Variants in A2ML1 observed in about 807,000 individuals in gnomAD.
A2ML1 encodes alpha-2-macroglobulin like 1, also known as alpha-2-macroglobulin-like protein 1.
A neutral mutation model predicts 181.9 loss-of-function variants in A2ML1; 161 were observed. The observed-to-expected ratio is 0.89, with a 90% CI of 0.78 to 1.01. The LOEUF (loss-of-function observed/expected upper bound fraction) is 1.01, where lower values mean the gene tolerates loss of function less well. Ranked by LOEUF, A2ML1 falls within the 50% of genes least tolerant of loss-of-function variation. The pLI is 0.00. For synonymous variants in A2ML1, 663 were observed against 666.8 expected (o/e 0.99, Z 0.09); for missense variants, 1,670 against 1,768.1 (o/e 0.94, Z 1.00).
intron 7 of A2ML1, 123 bp downstream of exon 7, chr12:8,836,462 G>T: frequency 4.9e-5 from 30 of 606,614 alleles, no homozygotes; most frequent in East Asian, 6.4e-5. Context: ...GTAATTCAGA[G>T]TCATGGCTTA....
intron 8 of A2ML1, among the ~76,000 whole-genome samples, chr12:8,837,945 A>G (rs143300992): frequency 6.6e-6 from 1 of 152,184 alleles, no homozygotes; most frequent in East Asian, 1.9e-4. Flanking sequence ...TAAGGAAGCA[A>G]CAATCTAGAA....
In A2ML1 at chr12:8,829,548, C is replaced by T. The variant is rs377004917; in HGVS notation, c.410-179C>T. 4.7e-4 allele frequency among the ~76,000 whole-genome samples: 71 copies of T among 151,312 alleles called. 1 individual carries two copies. In the South Asian group the frequency reaches 0.01, roughly 22 times the overall value. The stretch of plus-strand genomic sequence containing the variant: ...CACCTGCCTGTGGTCCCAGCTACTC[C>T]GGAGGCTGGGGTGGGAGAATCACTT... On this transcript the variant is annotated intron_variant, in intron 3 of 35. Transcript: ENST00000299698.
rs758871447 is a variant in A2ML1 at position 8,868,040 on chromosome 12, G to A, written c.3916G>A (p.Gly1306Ser). 4 of 1,614,184 alleles carry A rather than the reference G, an allele frequency of 2.5e-6. No individual in the cohort carries two copies. The highest frequency in any genetic ancestry group is 3.4e-6 in the Non-Finnish European group (4 of 1,180,008). The change falls in exon 30 of 36, where the codon GGC becomes AGC. Residue 1306 changes from glycine (G) to serine (S), a missense_variant. By Grantham distance (56) the Gly-to-Ser change is moderately conservative. Transcript: ENST00000299698. The stretch of plus-strand genomic sequence containing the variant: ...GTACACGTTGGAGGCCTCAGGCCAG[G>A]GCTGTGTCTATGTGCAGGTAAGTAG... The part of the protein sequence containing the change: ...GMYTLEASGQ[G>S]CVYVQTVLRY...
chr12:8,832,419 G>A (rs1226128356), intron 4 of A2ML1, among the ~76,000 whole-genome samples: 4 of 152,194 alleles, frequency 2.6e-5, no homozygotes, highest in East Asian at 1.9e-4. Flanking sequence ...TGGTCCCCGG[G>A]CAAGAAGGGG....
In A2ML1 at chr12:8,823,194, GAC is replaced by G. The variant is rs1380687842; in HGVS notation, c.77_78del (p.Thr26IlefsTer23). The stretch of plus-strand genomic sequence containing the variant: ...GCTCCTTTAATAGAAACTACCTGGT[GAC>G]ATTACCAGCCCGGCTAAATTTCCCC... ...IAEELPNYLV[T>X]LPARLNFPSV... is the part of the protein sequence containing the mutation. On this transcript the variant is annotated frameshift_variant, in exon 2 of 36. Coordinates refer to ENST00000299698, the MANE Select transcript of A2ML1 (RefSeq NM_144670.6). LOFTEE classifies it high-confidence loss of function. 6.2e-7 allele frequency: 1 copy of G among 1,613,490 alleles called. No homozygotes were observed. Among genetic ancestry groups the G allele is most frequent in the East Asian group, 2.2e-5 (1 of 44,878 alleles).
In A2ML1 at chr12:8,851,809, G is replaced by A. The variant is rs769726608; in HGVS notation, c.2260G>A (p.Val754Ile). The change falls in exon 19 of 36, where the codon GTC (valine) becomes ATC (isoleucine). Residue 754 changes from valine to isoleucine, a missense_variant. Val to Ile is a conservative substitution (Grantham distance 29). Transcript: ENST00000299698. The part of the protein sequence containing the change: ...IGNSGKEAVH[V>I]TVPDAITEWK... ...TAACTCGGGGAAGGAGGCGGTCCAC[G>A]TCACAGTTCCTGACGCCATCACCGA... is the stretch of plus-strand genomic sequence containing the variant. 2.2e-5 allele frequency: 36 copies of A among 1,613,996 alleles called. No individual in the cohort carries two copies. Among genetic ancestry groups the A allele is most frequent in the African/African-American group, 1.1e-4 (8 of 74,908 alleles).
At position 8,857,177 on chromosome 12, in the gene A2ML1, C is replaced by T; in HGVS notation, c.2862C>T (p.Gly954=). 3 of 1,612,180 alleles carry T rather than the reference C, an allele frequency of 1.9e-6. No individual in the cohort carries two copies. The highest frequency in any genetic ancestry group is 1.7e-6 in the Non-Finnish European group (2 of 1,179,858). Residue 954 remains glycine (G), a synonymous_variant, in exon 24 of 36, where the codon GGC becomes GGT. Transcript: ENST00000299698. ...TTTGGATCCCAGGAGACATTATGGGCACAGCCCTGCAGAACCTGGATGGTC... is the reference window on the plus strand; with the variant it reads ...TTTGGATCCCAGGAGACATTATGGGTACAGCCCTGCAGAACCTGGATGGTC... ...AYVTVLGDIM[G]TALQNLDGLV...
chr12:8,838,463 C>T lies in A2ML1; in HGVS notation c.970+13C>T, dbSNP rs748203389. 1.0e-5 allele frequency: 16 copies of T among 1,596,128 alleles called. No individual in the cohort carries two copies. The East Asian group carries it at 1.6e-4, about 16-fold the overall frequency. ...GAGGAAGGGACAGGTAAGTAGGGTG[C>T]TCCTTGGCTCATTAAGAAAAGAGAA... On this transcript the variant is annotated intron_variant, in intron 9 of 35. Transcript: ENST00000299698.
intron 4 of A2ML1, 103 bp from the exon 5 acceptor site, chr12:8,834,559 C>A (rs966714598): frequency 6.8e-5 from 95 of 1,396,200 alleles, no homozygotes; most frequent in Non-Finnish European, 9.0e-5. Context: ...AAGAAATGGG[C>A]AAGAGGGAAA....
At chr12:8,827,767 G>A (rs1036956970) in intron 3 of A2ML1, among the ~76,000 whole-genome samples, 2 of 152,124 alleles carry the variant, frequency 1.3e-5, no homozygotes, top group Non-Finnish European at 2.9e-5. Context: ...TATTTGAAGG[G>A]ACTTGGGTGT....
chr12:8,844,937 T>C (rs1210180867), intron 12 of A2ML1: 2 of 1,260,844 alleles, frequency 1.6e-6, no homozygotes, highest in Admixed American at 3.8e-5. Flanking sequence ...GATCACCGAG[T>C]TCTGTTTCAA....
chr12:8,884,068 G>A (rs1161897389), intron 7 of A2ML1, among the ~76,000 whole-genome samples: 2 of 152,090 alleles, frequency 1.3e-5, no homozygotes, highest in Non-Finnish European at 2.9e-5. Context: ...TTACAGGCGT[G>A]ACCCACCACA....
chr12:8,877,632 A>G (rs148352343), downstream of A2ML1, among the ~76,000 whole-genome samples: 72 of 152,346 alleles, frequency 4.7e-4, 1 homozygote, highest in African/African-American at 1.7e-3. Context: ...CAAAACCACA[A>G]TGAGATACCA....
intron 7 of A2ML1, among the ~76,000 whole-genome samples, chr12:8,884,241 G>GTTTTTTTTTT (rs1289302391): frequency 2.8e-5 from 3 of 108,934 alleles, no homozygotes; most frequent in Non-Finnish European, 4.1e-5. Context: ...GTTTTTTTTT[G>GTTTTTTTTTT]TTTTGTTTTT....
intron 1 of A2ML1, 74 bp downstream of exon 1, chr12:8,822,787 G>T (rs1456570803): frequency 7.3e-7 from 1 of 1,364,600 alleles, no homozygotes; most frequent in African/African-American, 1.4e-5. Context: ...CATTTATATG[G>T]AGATGGGGAG....
rs1944468511 is a variant in A2ML1 at position 8,867,761 on chromosome 12, G to A, written c.3718-81G>A. 2.4e-6 allele frequency: 3 copies of A among 1,252,090 alleles called. No individual in the cohort carries two copies. In the East Asian group the frequency reaches 7.0e-5, roughly 29 times the overall value. 77.6% of individuals were successfully genotyped at this position (1,252,090 alleles called of 1,614,324 possible). ...CATCCAAGCCAACTAACAACAACCA[G>A]ATGTGTGGGTTATAGAGTTGTTCAA... On this transcript the variant is annotated intron_variant, in intron 29 of 35. Coordinates refer to ENST00000299698, the MANE Select transcript of A2ML1 (RefSeq NM_144670.6).
chr12:8,836,381 A>G (rs1565467200), intron 7 of A2ML1, 42 bp downstream of exon 7: 1 of 1,541,244 alleles, frequency 6.5e-7, no homozygotes, highest in East Asian at 2.3e-5. Context: ...TTAAAGATGC[A>G]TCGAGAGACA....
intron 26 of A2ML1, among the ~76,000 whole-genome samples, chr12:8,860,578 T>C (rs1057164414): frequency 2.0e-5 from 3 of 151,950 alleles, no homozygotes; most frequent in African/African-American, 7.3e-5. Context: ...CCTCCCTTCT[T>C]TAAAGCTCTT....
intron 33 of A2ML1, among the ~76,000 whole-genome samples, chr12:8,870,854 C>T (rs1388999734): frequency 6.6e-6 from 1 of 152,150 alleles, no homozygotes; most frequent in Non-Finnish European, 1.5e-5. Flanking sequence ...TCAGTGTGTC[C>T]TGCCAAATCT....
Sources: allele counts gnomAD v4.1 joint callset (sites outside exome capture counted in the v4.1 genomes callset), GRCh38; gene constraint gnomAD v4.1.1; transcripts MANE v1.5; gene names NCBI Gene and HGNC (gene_info 2026-07-23, HGNC 2026-07-21).